Variants in TMOD3 observed in about 807,000 individuals in gnomAD.
The protein encoded by TMOD3 is tropomodulin-3.
Under a neutral mutation model 39.2 loss-of-function variants are expected in TMOD3, and 20 were observed. The observed-to-expected ratio is 0.51, with a 90% CI of 0.36 to 0.74. The LOEUF (loss-of-function observed/expected upper bound fraction) is 0.74, where lower values mean the gene tolerates loss of function less well. Among genes scored for constraint, TMOD3 ranks in the 30% least tolerant of loss-of-function variants. The pLI, the probability that TMOD3 is intolerant of heterozygous loss-of-function variation, is 0.00. For synonymous variants in TMOD3, 143 were observed against 145.8 expected (o/e 0.98, Z 0.14); for missense variants, 381 against 412.8 (o/e 0.92, Z 0.67).
At chr15:51,902,479 TG>T (rs1186766903) in intron 9 of TMOD3, among the ~76,000 whole-genome samples, 1 of 152,016 alleles carries the variant, frequency 6.6e-6, no homozygotes, top group Non-Finnish European at 1.5e-5. Flanking sequence ...TTTTTGTTGT[TG>T]ATTTTTTTTG....
chr15:51,900,112 C>G, intron 7 of TMOD3, 43 bp from the exon 8 acceptor site: 1 of 1,577,688 alleles, frequency 6.3e-7, no homozygotes, highest in South Asian at 1.1e-5. Flanking sequence ...GTAGTAGGTA[C>G]TGTATCAAAT....
At chr15:51,879,753 T>A (rs759905963) in intron 3 of TMOD3, among the ~76,000 whole-genome samples, 5 of 152,076 alleles carry the variant, frequency 3.3e-5, no homozygotes, top group Non-Finnish European at 7.4e-5. Flanking sequence ...GTCTTCATTT[T>A]CTGAGTTTAA....
At chr15:51,860,078 T>C in intron 1 of TMOD3, 1 of 511,422 alleles carries the variant, frequency 2.0e-6, no homozygotes, top group Admixed American at 2.0e-5. Context: ...CTGGCCCTCC[T>C]CTGCTTTGTC....
chr15:51,902,565 G>A (rs1189252981), intron 9 of TMOD3, among the ~76,000 whole-genome samples: 1 of 151,920 alleles, frequency 6.6e-6, no homozygotes, highest in Non-Finnish European at 1.5e-5. Flanking sequence ...CCGCCTCCCA[G>A]GTTCAAGTGA....
chr15:51,870,880 A>G (rs928778009), intron 3 of TMOD3, among the ~76,000 whole-genome samples: 2 of 152,182 alleles, frequency 1.3e-5, no homozygotes, highest in African/African-American at 2.4e-5. Flanking sequence ...AAGATTTACT[A>G]TTCTTGTCCA....
intron 5 of TMOD3, among the ~76,000 whole-genome samples, chr15:51,893,482 C>G (rs983391338): frequency 1.3e-4 from 20 of 151,864 alleles, no homozygotes; most frequent in Middle Eastern, 3.4e-3. Flanking sequence ...AGTATCAACT[C>G]CAGGCTGAGC....
chr15:51,907,965 A>G (rs1311494474), intron 9 of TMOD3, among the ~76,000 whole-genome samples: 1 of 152,200 alleles, frequency 6.6e-6, no homozygotes, highest in Non-Finnish European at 1.5e-5. Context: ...TGACCACACC[A>G]TATTACCAGG....
At position 51,901,895 on chromosome 15, in the gene TMOD3, C is replaced by A. The variant is rs764660617; in HGVS notation, c.883C>A (p.Gln295Lys). The change falls in exon 9 of 10, where the codon CAG (glutamine) becomes AAG (lysine). Residue 295 changes from glutamine to lysine, a missense_variant. Transcript: ENST00000308580. ...LAELKIDNQR[Q>K]QLGTAVELEM... ...TCTTTTTTTCTAATTACTCCAGAGGCAGCAGTTGGGGACAGCTGTAGAATT... is the reference window on the plus strand; with the variant it reads ...TCTTTTTTTCTAATTACTCCAGAGGAAGCAGTTGGGGACAGCTGTAGAATT... 6.2e-7 allele frequency: 1 copy of A among 1,612,822 alleles called. No homozygotes were observed. Among genetic ancestry groups the A allele is most frequent in the Non-Finnish European group, 8.5e-7 (1 of 1,179,706 alleles).
chr15:51,850,456 C>T (rs1305354373), intron 1 of TMOD3, among the ~76,000 whole-genome samples: 3 of 151,976 alleles, frequency 2.0e-5, no homozygotes, highest in Non-Finnish European at 4.4e-5. Flanking sequence ...TTTATGATTG[C>T]TTCTATATTC....
chr15:51,909,622 C>T lies in TMOD3; in HGVS notation c.*812C>T, dbSNP rs1379966047. ...CCACCCCCCAAAAAAGGCGTACAGC[C>T]AACTCTTAGTTATTTAGGGTAAGAG... On this transcript the variant is annotated 3_prime_UTR_variant, in exon 10 of 10. Coordinates refer to ENST00000308580, the MANE Select transcript of TMOD3 (RefSeq NM_014547.5). The T allele has an allele frequency of 3.3e-5, 5 of 152,254 alleles. No individual in the cohort carries two copies. The highest frequency in any genetic ancestry group is 1.2e-4 in the African/African-American group (5 of 41,362). The allele number at this position is 152,254 out of a possible 1,614,324, so 9.4% of individuals were successfully genotyped here. A position where few individuals can be genotyped will look rare whatever the true frequency, so the allele number is the denominator to read the frequency against.
intron 1 of TMOD3, among the ~76,000 whole-genome samples, chr15:51,857,563 G>T (rs2056394592): frequency 6.6e-6 from 1 of 151,996 alleles, no homozygotes; most frequent in Non-Finnish European, 1.5e-5. Context: ...TTGCCTATTA[G>T]AGTGCCCTGT....
chr15:51,866,412 C>T (rs1227344679), intron 2 of TMOD3, among the ~76,000 whole-genome samples: 3 of 151,866 alleles, frequency 2.0e-5, no homozygotes, highest in Non-Finnish European at 4.4e-5. Flanking sequence ...AAGCTGTGAT[C>T]GCACCACTGT....
intron 1 of TMOD3, among the ~76,000 whole-genome samples, chr15:51,855,827 C>G (rs1595894050): frequency 6.6e-6 from 1 of 152,316 alleles, no homozygotes; most frequent in East Asian, 1.9e-4. Context: ...CCAGAACTTC[C>G]CTTCCTAAGC....
chr15:51,836,617 C>T (rs12901638), intron 1 of TMOD3, among the ~76,000 whole-genome samples: 55,005 of 150,590 alleles, frequency 0.37, 10,367 homozygotes, highest in Middle Eastern at 0.44. Context: ...CCCAGCTACC[C>T]GGGAGGCTGA....
intron 3 of TMOD3, among the ~76,000 whole-genome samples, chr15:51,886,237 G>A (rs1183696601): frequency 1.3e-5 from 2 of 152,060 alleles, no homozygotes; most frequent in Non-Finnish European, 2.9e-5. Flanking sequence ...CAGCCAGGCC[G>A]AGACGCTCCT....
intron 1 of TMOD3, chr15:51,861,102 A>G: frequency 1.8e-6 from 1 of 561,650 alleles, no homozygotes; most frequent in Non-Finnish European, 3.3e-6. Flanking sequence ...CTGTTCGAAA[A>G]GATTAATTTC....
chr15:51,853,438 C>T (rs115623908), intron 1 of TMOD3, among the ~76,000 whole-genome samples: 2,288 of 152,184 alleles, frequency 0.015, 64 homozygotes, highest in East Asian at 0.074. Flanking sequence ...TGGACTTAAG[C>T]GATCCTCCCT....
chr15:51,874,409 C>T (rs771355692), intron 3 of TMOD3, among the ~76,000 whole-genome samples: 5 of 152,142 alleles, frequency 3.3e-5, no homozygotes, highest in African/African-American at 7.2e-5. Flanking sequence ...TTGTCCTATA[C>T]TGGTGAATAT....
chr15:51,841,902 TG>T (rs908271200), intron 1 of TMOD3, among the ~76,000 whole-genome samples: 3 of 152,164 alleles, frequency 2.0e-5, no homozygotes, highest in Non-Finnish European at 4.4e-5. Flanking sequence ...CCTGAGTTGC[TG>T]GGATTACAGG....
Sources: gnomAD v4.1 joint callset for allele counts (sites outside exome capture counted in the v4.1 genomes callset) on GRCh38, gnomAD v4.1.1 for gene constraint, MANE v1.5 for transcripts, NCBI Gene and HGNC (gene_info 2026-07-23, HGNC 2026-07-21) for gene names.